LDLRAD4: variants seen among roughly 807,000 people sequenced by gnomAD.
LDLRAD4 encodes low density lipoprotein receptor class A domain containing 4, also known as low-density lipoprotein receptor class A domain-containing protein 4.
LDLRAD4 carries 5 observed loss-of-function variants against 17.0 expected under a neutral mutation model. The observed-to-expected ratio is 0.29, with a 90% CI of 0.15 to 0.62. LDLRAD4 has a LOEUF of 0.62. LDLRAD4 is among the 20% of genes least tolerant of loss of function. LDLRAD4 has a pLI of 0.84. For synonymous variants in LDLRAD4, 168 were observed against 171.8 expected (o/e 0.98, Z 0.17); for missense variants, 340 against 424.7 (o/e 0.80, Z 1.75).
chr18:13,240,608 A>ATGTGTGCATGTGTGTGCT (rs1292424364), intron 1 of LDLRAD4: 3 of 152,246 alleles, frequency 2.0e-5, no homozygotes, highest in African/African-American at 7.3e-5. Flanking sequence ...GCTTGTGTAT[A>ATGTGTGCATGTGTGTGCT]TGTGTGCATG....
chr18:13,501,486 C>CCTGT (rs372227038), intron 3 of LDLRAD4, among the ~76,000 whole-genome samples: 201 of 152,156 alleles, frequency 1.3e-3, no homozygotes, highest in African/African-American at 4.2e-3. Flanking sequence ...TTTCCTTGAG[C>CCTGT]CTGTCTGTCT....
At chr18:13,508,473 A>G (rs534853739) in intron 3 of LDLRAD4, among the ~76,000 whole-genome samples, 24 of 152,330 alleles carry the variant, frequency 1.6e-4, no homozygotes, top group African/African-American at 5.8e-4. Flanking sequence ...CAAAGCTTCA[A>G]AGGACAGGCT....
chr18:13,570,777 G>T (rs571000516), intron 3 of LDLRAD4, among the ~76,000 whole-genome samples: 1 of 151,996 alleles, frequency 6.6e-6, no homozygotes, highest in South Asian at 2.1e-4. Flanking sequence ...TCTCTTTTTC[G>T]TCTTTTTCTT....
intron 3 of LDLRAD4, among the ~76,000 whole-genome samples, chr18:13,582,010 A>C (rs879628461): frequency 2.0e-5 from 3 of 152,024 alleles, no homozygotes; most frequent in Non-Finnish European, 4.4e-5. Flanking sequence ...GATTTATTCC[A>C]CACTGAGGGG....
intron 3 of LDLRAD4, among the ~76,000 whole-genome samples, chr18:13,485,741 C>A (rs1370380258): frequency 4.6e-5 from 7 of 152,136 alleles, no homozygotes; most frequent in Admixed American, 4.6e-4. Flanking sequence ...GGCCTAGGAG[C>A]GGTGGCTCAC....
At chr18:13,336,022 G>A (rs1025733774) in intron 1 of LDLRAD4, among the ~76,000 whole-genome samples, 7 of 152,182 alleles carry the variant, frequency 4.6e-5, no homozygotes, top group African/African-American at 1.7e-4. Flanking sequence ...GCCCCAGAAA[G>A]CTTCCACTCA....
chr18:13,456,532 G>A (rs778599631), intron 3 of LDLRAD4, among the ~76,000 whole-genome samples: 1 of 152,112 alleles, frequency 6.6e-6, no homozygotes, highest in African/African-American at 2.4e-5. Flanking sequence ...CATCATGTTG[G>A]ATTTTAATTA....
At chr18:13,647,187 T>A (rs2043047021) in exon 6 of LDLRAD4, 1 of 150,950 alleles carries the variant, frequency 6.6e-6, no homozygotes, top group African/African-American at 2.4e-5. Context: ...AACATGCAGT[T>A]AAAATGCAAC....
At chr18:13,459,085 C>T (rs1348671094) in intron 3 of LDLRAD4, among the ~76,000 whole-genome samples, 1 of 139,812 alleles carries the variant, frequency 7.2e-6, no homozygotes. Context: ...TTTGGAAGGC[C>T]GAGGTGGGAG....
rs115704348 is a variant in LDLRAD4 at position 13,523,560 on chromosome 18, C to T, written c.181+85176C>T. On this transcript the variant is annotated intron_variant, in intron 3 of 5. Coordinates refer to ENST00000359446, the Ensembl canonical transcript of LDLRAD4. Reference sequence around the variant, plus strand: ...CCCAGGCTGACGGCTCAGTATTGTTCTGAGCTTCTGGATTGTTGAAGTCTG... The same window carrying T: ...CCCAGGCTGACGGCTCAGTATTGTTTTGAGCTTCTGGATTGTTGAAGTCTG... Among the ~76,000 whole-genome samples the T allele has an allele frequency of 6.2e-3, 951 of 152,294 alleles. 12 individuals carry two copies. Among genetic ancestry groups the T allele is most frequent in the African/African-American group, 0.022 (906 of 41,538 alleles).
rs377173566 is a variant in LDLRAD4, at chr18:13,645,529, G to A, written c.793G>A (p.Ala265Thr). The A allele has an allele frequency of 4.5e-5, 72 of 1,610,534 alleles. No homozygotes were observed. The highest frequency in any genetic ancestry group is 1.7e-4 in the Middle Eastern group (1 of 6,044). ...CGAGGTGATGGGCCACCACCCAGGC[G>A]CCTCTTTCCTCCATCACCAGCGCAG... The change falls in exon 6 of 6, where the codon GCC becomes ACC. Residue 265 changes from alanine (A) to threonine (T), a missense_variant. Physicochemically the swap from Ala to Thr is moderately conservative, Grantham distance 58 (BLOSUM62 0). Transcript: ENST00000359446. The surrounding 1 kb of genome is among the most constrained non-coding windows in gnomAD (Gnocchi z 5.7).
chr18:13,268,398 A>T (rs1051529561), intron 1 of LDLRAD4, among the ~76,000 whole-genome samples: 8 of 152,190 alleles, frequency 5.3e-5, no homozygotes, highest in Admixed American at 6.5e-5. Context: ...TGAGCATGCT[A>T]CTGAAGGCAG....
chr18:13,395,967 CAGGCCA>C (rs1350706051), intron 2 of LDLRAD4, among the ~76,000 whole-genome samples: 2 of 152,144 alleles, frequency 1.3e-5, no homozygotes, highest in African/African-American at 4.8e-5. Flanking sequence ...GGAGTCGTCA[CAGGCCA>C]AGGGTCTTCA....
intron 3 of LDLRAD4, chr18:13,460,901 T>A (rs1345021027): frequency 1.3e-5 from 2 of 152,214 alleles, no homozygotes; most frequent in Non-Finnish European, 2.9e-5. Context: ...ATCAGCCCAC[T>A]GGGGTGTAGT....
intron 3 of LDLRAD4, among the ~76,000 whole-genome samples, chr18:13,605,361 G>A (rs2095212681): frequency 6.6e-6 from 1 of 152,184 alleles, no homozygotes; most frequent in Non-Finnish European, 1.5e-5. Flanking sequence ...GGGATGACAG[G>A]CCTATGCCAC....
At chr18:13,533,174 T>G (rs1294829412) in intron 3 of LDLRAD4, among the ~76,000 whole-genome samples, 1 of 152,216 alleles carries the variant, frequency 6.6e-6, no homozygotes, top group Non-Finnish European at 1.5e-5. Context: ...CATCTAGTGA[T>G]GGGCTCAAGT....
chr18:13,559,026 G>A (rs1045560020), intron 3 of LDLRAD4, among the ~76,000 whole-genome samples: 3 of 152,078 alleles, frequency 2.0e-5, no homozygotes, highest in African/African-American at 7.2e-5. Flanking sequence ...ACGTGCCACC[G>A]GCAGCACCCC....
intron 2 of LDLRAD4, among the ~76,000 whole-genome samples, chr18:13,407,441 A>G (rs2087872045): frequency 6.6e-6 from 1 of 152,268 alleles, no homozygotes; most frequent in Admixed American, 6.5e-5. Context: ...GGAGGCAAAG[A>G]TGAACAAGAC....
chr18:13,603,275 T>C (rs1277152417), intron 3 of LDLRAD4, among the ~76,000 whole-genome samples: 1 of 152,218 alleles, frequency 6.6e-6, no homozygotes, highest in Non-Finnish European at 1.5e-5. Flanking sequence ...GATGGTCCAC[T>C]TAAATGGTCT....
Sources: allele counts gnomAD v4.1 joint callset (sites outside exome capture counted in the v4.1 genomes callset), GRCh38; gene constraint gnomAD v4.1.1; non-coding constraint Gnocchi (gnomAD v3.1); transcripts MANE v1.5; gene names NCBI Gene and HGNC (gene_info 2026-07-23, HGNC 2026-07-21).